The following TOPAZ1 variants were observed in gnomAD, a reference collection of about 807,000 sequenced individuals.
TOPAZ1 encodes testis and ovary specific TOPAZ 1.
A neutral mutation model predicts 172.2 loss-of-function variants in TOPAZ1; 66 were observed. That is an observed-to-expected ratio of 0.38 (90% CI 0.31 to 0.47). The LOEUF is 0.47. Ranked by LOEUF, TOPAZ1 falls within the 20% of genes least tolerant of loss-of-function variation. The probability of loss-of-function intolerance (pLI) is 0.99; values close to 1 mark genes in which losing one functional copy is unlikely to be tolerated. For synonymous variants in TOPAZ1, 681 were observed against 683.9 expected (o/e 1.00, Z 0.07); for missense variants, 1,822 against 1,972.4 (o/e 0.92, Z 1.44).
chr3:44,256,253 TA>T lies in TOPAZ1; in HGVS notation c.2934del (p.Gly979ValfsTer14). 3 of 1,528,350 alleles carry T rather than the reference TA, an allele frequency of 2.0e-6. No individual in the cohort carries two copies. Among genetic ancestry groups the T allele is most frequent in the Non-Finnish European group, 2.6e-6 (3 of 1,140,630 alleles). 94.7% of individuals were successfully genotyped at this position (1,528,350 alleles called of 1,614,324 possible). A position where few individuals can be genotyped will look rare whatever the true frequency, so the allele number is the denominator to read the frequency against. ...ACACTGGGAGACTTCAGTGAACAAA[TA>T]AAAGGTTCAGACTTGGATGAAAAGG... ...NETLGDFSEQ[I>X]KGSDLDEKHR... On this transcript the variant is annotated frameshift_variant, in exon 4 of 20. Transcript: ENST00000309765. LOFTEE classifies it high-confidence loss of function.
chr3:44,276,634 TTTTTTTTTTTTTTTTTTTTC>T (rs1209353520), intron 8 of TOPAZ1, among the ~76,000 whole-genome samples: 1 of 118,680 alleles, frequency 8.4e-6, no homozygotes, highest in Non-Finnish European at 1.7e-5. Context: ...CTTTTTTTTT[TTTTTTTTTTTTTTTTTTTTC>T]CAGAATTGCT....
intron 12 of TOPAZ1, among the ~76,000 whole-genome samples, chr3:44,296,871 A>AAAAAAAAAAAAAAG (rs1559541186): frequency 7.1e-6 from 1 of 140,156 alleles, no homozygotes; most frequent in African/African-American, 2.7e-5. Flanking sequence ...AAAAGAAAAA[A>AAAAAAAAAAAAAAG]AAAAGAAAAG....
At position 44,311,732 on chromosome 3, in the gene TOPAZ1, A is replaced by G. The variant is rs541868345; in HGVS notation, c.4306+1742A>G. Among the ~76,000 whole-genome samples, 4 of 152,340 alleles carry G rather than the reference A, an allele frequency of 2.6e-5. No homozygotes were observed. The South Asian group carries it at 6.2e-4, about 24-fold the overall frequency. On this transcript the variant is annotated intron_variant, in intron 16 of 19. Transcript: ENST00000309765. ...TTTTTAATTCTTAAAAGGGCTCTATAGTGAACAGGCCATTCCCAAGAAAGG... is the reference window on the plus strand; with the variant it reads ...TTTTTAATTCTTAAAAGGGCTCTATGGTGAACAGGCCATTCCCAAGAAAGG...
intron 2 of TOPAZ1, among the ~76,000 whole-genome samples, chr3:44,250,042 T>G (rs1227510056): frequency 6.6e-6 from 1 of 152,110 alleles, no homozygotes; most frequent in African/African-American, 2.4e-5. Flanking sequence ...CTGATATCAA[T>G]CCACAGAAAA....
chr3:44,305,343 G>T, intron 14 of TOPAZ1, 22 bp downstream of exon 14: 1 of 1,510,214 alleles, frequency 6.6e-7, no homozygotes, highest in South Asian at 1.3e-5. Context: ...CTATTGGCCT[G>T]AATATTGTGT....
At chr3:44,288,255 T>C (rs1700100410) in intron 11 of TOPAZ1, among the ~76,000 whole-genome samples, 1 of 152,098 alleles carries the variant, frequency 6.6e-6, no homozygotes, top group Non-Finnish European at 1.5e-5. Flanking sequence ...AGAATAGGCC[T>C]GATAGGAAAA....
intron 2 of TOPAZ1, among the ~76,000 whole-genome samples, chr3:44,250,109 T>C (rs1168386984): frequency 1.3e-5 from 2 of 152,158 alleles, no homozygotes; most frequent in Non-Finnish European, 2.9e-5. Flanking sequence ...ATGCATAGAC[T>C]GGATCTATGC....
chr3:44,318,326 C>T (rs899232948), intron 16 of TOPAZ1, among the ~76,000 whole-genome samples: 8 of 152,092 alleles, frequency 5.3e-5, no homozygotes, highest in Non-Finnish European at 1.0e-4. Flanking sequence ...GTGGCAGGCA[C>T]GTGTAGTCCC....
chr3:44,295,920 A>G (rs995427436), intron 12 of TOPAZ1, among the ~76,000 whole-genome samples: 3 of 152,192 alleles, frequency 2.0e-5, no homozygotes, highest in Non-Finnish European at 4.4e-5. Context: ...AGCAGAATAC[A>G]TATTCTTTTC....
At chr3:44,296,809 A>G (rs1700200654) in intron 12 of TOPAZ1, among the ~76,000 whole-genome samples, 1 of 143,866 alleles carries the variant, frequency 7.0e-6, no homozygotes, top group East Asian at 2.2e-4. Flanking sequence ...TTTTGATACC[A>G]GTGTTACCCA....
At chr3:44,251,924 A>T (rs1041183205) in intron 2 of TOPAZ1, among the ~76,000 whole-genome samples, 6 of 152,192 alleles carry the variant, frequency 3.9e-5, no homozygotes, top group African/African-American at 1.4e-4. Flanking sequence ...GCAAAACTGT[A>T]AAATATTTGT....
chr3:44,288,084 G>A (rs763186264), intron 11 of TOPAZ1, among the ~76,000 whole-genome samples: 6 of 151,894 alleles, frequency 4.0e-5, no homozygotes, highest in East Asian at 1.9e-4. Context: ...AATTGTCTTC[G>A]TCTCTACTCC....
Position 44,244,325 on chromosome 3 carries a change from G to C in TOPAZ1, c.1819G>C (p.Glu607Gln). Residue 607 changes from glutamate (E) to glutamine (Q), a missense_variant, in exon 2 of 20, where the codon GAG (glutamate) becomes CAG (glutamine). Transcript: ENST00000309765. ...KSEELSRRGSEVISNTTEDTQ... is the reference protein window; with the variant it reads ...KSEELSRRGSQVISNTTEDTQ... ...AGAGGAACTGAGCAGAAGAGGGTCA[G>C]AGGTAATTTCTAACACTACTGAAGA... The C allele has an allele frequency of 6.4e-7, 1 of 1,550,864 alleles. No homozygotes were observed. The highest frequency in any genetic ancestry group is 8.7e-7 in the Non-Finnish European group (1 of 1,146,778).
intron 4 of TOPAZ1, among the ~76,000 whole-genome samples, chr3:44,260,584 T>C (rs933792471): frequency 3.9e-5 from 6 of 152,068 alleles, no homozygotes; most frequent in Non-Finnish European, 2.9e-5. Flanking sequence ...AATGTAACTT[T>C]TCCTTATTTT....
chr3:44,333,274 A>G (rs774067794), downstream of TOPAZ1, among the ~76,000 whole-genome samples: 1 of 152,158 alleles, frequency 6.6e-6, no homozygotes, highest in Non-Finnish European at 1.5e-5. Context: ...AACGAATACT[A>G]TCACAAATGG....
chr3:44,331,402 T>G (rs545778873), intron 19 of TOPAZ1, among the ~76,000 whole-genome samples: 73 of 152,302 alleles, frequency 4.8e-4, no homozygotes, highest in African/African-American at 1.7e-3. Flanking sequence ...CATAGCTCAC[T>G]GCAGCCTCAA....
intron 16 of TOPAZ1, among the ~76,000 whole-genome samples, chr3:44,313,613 G>C (rs929046787): frequency 1.7e-5 from 2 of 116,922 alleles, no homozygotes; most frequent in Non-Finnish European, 3.4e-5. Flanking sequence ...GCGAGACTCT[G>C]TCTCAAAAAA....
At chr3:44,313,008 A>G in intron 16 of TOPAZ1, among the ~76,000 whole-genome samples, 1 of 152,130 alleles carries the variant, frequency 6.6e-6, no homozygotes. Context: ...TTTTTCAGGC[A>G]GTAGCCTTTC....
intron 9 of TOPAZ1, among the ~76,000 whole-genome samples, chr3:44,283,721 ATG>A (rs1485516537): frequency 6.6e-6 from 1 of 152,166 alleles, no homozygotes; most frequent in Admixed American, 6.5e-5. Flanking sequence ...CCTTCCATAT[ATG>A]TGTGTGTACA....
Sources: allele counts gnomAD v4.1 joint callset (sites outside exome capture counted in the v4.1 genomes callset), GRCh38; gene constraint gnomAD v4.1.1; transcripts MANE v1.5; gene names NCBI Gene and HGNC (gene_info 2026-07-23, HGNC 2026-07-21).